Variants in LIMS1 observed in about 807,000 individuals in gnomAD.
LIMS1 encodes the protein LIM zinc finger domain containing 1, also known as LIM and senescent cell antigen-like-containing domain protein 1.
In LIMS1, 18 loss-of-function variants were observed where a neutral mutation model predicts 44.1. The observed-to-expected ratio is 0.41, with a 90% CI of 0.28 to 0.61. The LOEUF is 0.61. Ranked by LOEUF, LIMS1 falls within the 20% of genes least tolerant of loss-of-function variation. The pLI is 0.32. For synonymous variants in LIMS1, 93 were observed against 149.1 expected, an observed-to-expected ratio of 0.62 and a Z score of 2.74; for missense variants, 201 against 422.0, an observed-to-expected ratio of 0.48 and a Z score of 4.59.
rs866844386 is a variant in LIMS1, at chr2:108,656,325, A to C, written c.33-3280A>C. The stretch of plus-strand genomic sequence containing the variant: ...AATATCTATCTATCTATCTATAGAT[A>C]GATAGATAGATAGATAGATAGATAG... On this transcript the variant is annotated intron_variant, in intron 1 of 9. Transcript: ENST00000544547. Among the ~76,000 whole-genome samples the C allele has an allele frequency of 2.0e-3, 165 of 83,734 alleles. 1 individual carries two copies. Among genetic ancestry groups the C allele is most frequent in the East Asian group, 3.1e-3 (14 of 4,510 alleles). 54.9% of individuals were successfully genotyped at this position (83,734 alleles called of 152,430 possible).
At chr2:108,603,044 C>T (rs1387147131) in intron 1 of LIMS1, among the ~76,000 whole-genome samples, 1 of 152,188 alleles carries the variant, frequency 6.6e-6, no homozygotes, top group African/African-American at 2.4e-5. Context: ...CCTTGGCCTC[C>T]CAAAATGCTG....
intron 1 of LIMS1, among the ~76,000 whole-genome samples, chr2:108,558,971 A>G (rs980632202): frequency 2.6e-5 from 4 of 152,174 alleles, no homozygotes; most frequent in Non-Finnish European, 4.4e-5. Flanking sequence ...GTGCCCGGCC[A>G]AGAACATATT....
At chr2:108,605,502 A>G (rs377362262) in intron 1 of LIMS1, among the ~76,000 whole-genome samples, 1 of 152,304 alleles carries the variant, frequency 6.6e-6, no homozygotes, top group Non-Finnish European at 1.5e-5. Flanking sequence ...AAAATTTTCC[A>G]TATTTTGAAA....
Position 108,680,940 on chromosome 2 carries a change from C to A in LIMS1, c.899+170C>A, listed in dbSNP as rs548783936. 5.8e-4 allele frequency: 764 copies of A among 1,312,090 alleles called. 6 individuals are homozygous for A. The African/African-American group carries it at 0.01, about 18-fold the overall frequency. 81.3% of individuals were successfully genotyped at this position (1,312,090 alleles called of 1,614,324 possible). On this transcript the variant is annotated intron_variant, in intron 9 of 9. Coordinates refer to ENST00000544547, the Ensembl canonical transcript of LIMS1. ...TTCCTTTAACTGTTCCCTGTTCTTT[C>A]TTCTATTCCTTCTTTGTCCTACTCA...
Position 108,614,209 on chromosome 2 carries a change from G to A in LIMS1, c.33-45396G>A, listed in dbSNP as rs182715136. Among the ~76,000 whole-genome samples, 12 of 152,270 alleles carry A rather than the reference G, an allele frequency of 7.9e-5. No individual in the cohort carries two copies. The East Asian group carries it at 1.2e-3, about 15-fold the overall frequency. Reference sequence around the variant, plus strand: ...TGTGTTCCCGGTTTGGAAGGCCCATGCCTCTGGCAGTCTCATCCCCTTGAC... The same window carrying A: ...TGTGTTCCCGGTTTGGAAGGCCCATACCTCTGGCAGTCTCATCCCCTTGAC... On this transcript the variant is annotated intron_variant, in intron 1 of 9. Transcript: ENST00000544547.
intron 1 of LIMS1, chr2:108,621,190 T>G: frequency 3.0e-6 from 4 of 1,319,604 alleles, no homozygotes; most frequent in Non-Finnish European, 4.0e-6. Flanking sequence ...TGTGTACCAG[T>G]GAGAAACAGG....
intron 1 of LIMS1, among the ~76,000 whole-genome samples, chr2:108,621,963 G>GA (rs929950813): frequency 3.3e-5 from 5 of 152,126 alleles, no homozygotes; most frequent in African/African-American, 9.7e-5. Context: ...CAAAAACCTG[G>GA]AAACCTTTTT....
chr2:108,646,320 A>G (rs896309725), intron 1 of LIMS1, among the ~76,000 whole-genome samples: 1 of 152,230 alleles, frequency 6.6e-6, no homozygotes, highest in Non-Finnish European at 1.5e-5. Flanking sequence ...CTCAGGACTA[A>G]GAAACTCACT....
At chr2:108,541,726 A>G (rs1360730221) in intron 1 of LIMS1, among the ~76,000 whole-genome samples, 5 of 152,100 alleles carry the variant, frequency 3.3e-5, no homozygotes, top group African/African-American at 9.7e-5. Context: ...AGTGCTGTTC[A>G]TGCCCTTCTC....
At chr2:108,562,664 A>G (rs1322651736) in intron 1 of LIMS1, among the ~76,000 whole-genome samples, 2 of 152,244 alleles carry the variant, frequency 1.3e-5, no homozygotes, top group African/African-American at 4.8e-5. Flanking sequence ...GCTTGAGGAA[A>G]GATCTCCGAA....
chr2:108,558,464 C>T (rs1163476473), intron 1 of LIMS1, among the ~76,000 whole-genome samples: 1 of 151,970 alleles, frequency 6.6e-6, no homozygotes, highest in Non-Finnish European at 1.5e-5. Context: ...CTGCCTCAGC[C>T]TCCCAAAGTG....
intron 1 of LIMS1, among the ~76,000 whole-genome samples, chr2:108,551,489 G>GCACACA (rs758535653): frequency 3.3e-4 from 37 of 111,966 alleles, no homozygotes; most frequent in Admixed American, 1.7e-3. Flanking sequence ...ATGCGCGCGC[G>GCACACA]CGCACACACA....
At chr2:108,541,449 T>A (rs1262013931) in intron 1 of LIMS1, among the ~76,000 whole-genome samples, 2 of 152,244 alleles carry the variant, frequency 1.3e-5, no homozygotes, top group African/African-American at 4.8e-5. Context: ...GATTTGTTTT[T>A]CTGTGCAGGT....
chr2:108,553,430 A>G (rs1684825769), intron 1 of LIMS1, among the ~76,000 whole-genome samples: 1 of 152,202 alleles, frequency 6.6e-6, no homozygotes. Context: ...GGGTCATAAT[A>G]GAAGCTTTTT....
At chr2:108,552,589 T>G (rs775551041) in intron 1 of LIMS1, among the ~76,000 whole-genome samples, 8 of 97,220 alleles carry the variant, frequency 8.2e-5, no homozygotes, top group Non-Finnish European at 1.4e-4. Flanking sequence ...ATTTTGGGTG[T>G]GTGTGTGTGT....
intron 1 of LIMS1, among the ~76,000 whole-genome samples, chr2:108,643,454 G>C (rs550902005): frequency 1.3e-5 from 2 of 152,174 alleles, no homozygotes; most frequent in Non-Finnish European, 2.9e-5. Context: ...ATGCACCCCG[G>C]CCCAGATGTT....
chr2:108,628,325 T>C (rs1688697520), intron 1 of LIMS1, among the ~76,000 whole-genome samples: 1 of 152,240 alleles, frequency 6.6e-6, no homozygotes, highest in Non-Finnish European at 1.5e-5. Flanking sequence ...GTGTCTCCCA[T>C]GGCTCTTGAG....
At chr2:108,666,043 C>T (rs1423288208) in intron 2 of LIMS1, among the ~76,000 whole-genome samples, 2 of 150,418 alleles carry the variant, frequency 1.3e-5, no homozygotes, top group Admixed American at 6.6e-5. Context: ...CTTCACCACA[C>T]GCCAAGCAAG....
chr2:108,647,749 G>A (rs1011110214), intron 1 of LIMS1, among the ~76,000 whole-genome samples: 7 of 152,042 alleles, frequency 4.6e-5, no homozygotes, highest in South Asian at 4.1e-4. Context: ...AAAAGGCCTC[G>A]ACAAAATTCA....
Sources: gnomAD v4.1 joint callset for allele counts (sites outside exome capture counted in the v4.1 genomes callset) on GRCh38, gnomAD v4.1.1 for gene constraint, MANE v1.5 for transcripts, NCBI Gene and HGNC (gene_info 2026-07-23, HGNC 2026-07-21) for gene names.